LRP1B: variants seen among roughly 807,000 people sequenced by gnomAD.
LRP1B encodes LDL receptor related protein 1B, also known as low-density lipoprotein receptor-related protein 1B.
Under a neutral mutation model 556.6 loss-of-function variants are expected in LRP1B, and 217 were observed. The observed-to-expected ratio is 0.39, with a 90% CI of 0.35 to 0.44. The LOEUF is 0.44. Ranked by LOEUF, LRP1B falls within the 20% of genes least tolerant of loss-of-function variation. The pLI, the probability that LRP1B is intolerant of heterozygous loss-of-function variation, is 1.00. For synonymous variants in LRP1B, 2,047 were observed against 1,865.8 expected (o/e 1.10, Z -2.50); for missense variants, 5,053 against 5,620.8 (o/e 0.90, Z 3.23).
intron 1 of LRP1B, among the ~76,000 whole-genome samples, chr2:141,822,314 G>T (rs956839096): frequency 6.6e-6 from 1 of 152,076 alleles, no homozygotes; most frequent in Non-Finnish European, 1.5e-5. Flanking sequence ...CAGTAGAAAT[G>T]ATCTATTTCC....
intron 32 of LRP1B, among the ~76,000 whole-genome samples, chr2:140,777,484 C>T (rs1689539937): frequency 6.6e-6 from 1 of 152,132 alleles, no homozygotes; most frequent in Non-Finnish European, 1.5e-5. Flanking sequence ...GAATGCCTTG[C>T]AGAACTCCCC....
chr2:142,070,373 G>A (rs1402041833), intron 1 of LRP1B, among the ~76,000 whole-genome samples: 1 of 151,838 alleles, frequency 6.6e-6, no homozygotes, highest in East Asian at 1.9e-4. Context: ...GAGGCTTAGT[G>A]AGGAGGTTAA....
chr2:140,259,986 G>T (rs757494903), intron 86 of LRP1B, among the ~76,000 whole-genome samples: 2 of 151,706 alleles, frequency 1.3e-5, no homozygotes, highest in Non-Finnish European at 2.9e-5. Flanking sequence ...TCCCCAAAAA[G>T]ATAAACAAAA....
At chr2:141,832,327 TCACACACA>T (rs869062999) in intron 1 of LRP1B, among the ~76,000 whole-genome samples, 5,377 of 143,936 alleles carry the variant, frequency 0.037, 314 homozygotes, top group African/African-American at 0.13. Context: ...TCTTTCTCTC[TCACACACA>T]CACACACACA....
chr2:141,634,039 T>A (rs1008428317), intron 2 of LRP1B, among the ~76,000 whole-genome samples: 1 of 127,930 alleles, frequency 7.8e-6, no homozygotes, highest in Admixed American at 7.4e-5. Context: ...AATGCTTTCT[T>A]TTTTTTTTCA....
intron 3 of LRP1B, among the ~76,000 whole-genome samples, chr2:141,453,426 A>G (rs1239210081): frequency 6.6e-6 from 1 of 152,098 alleles, no homozygotes; most frequent in Non-Finnish European, 1.5e-5. Flanking sequence ...ATTAGTTTCC[A>G]TGAGTCTTCC....
At chr2:141,934,313 A>G (rs1003490950) in intron 1 of LRP1B, among the ~76,000 whole-genome samples, 21 of 152,064 alleles carry the variant, frequency 1.4e-4, no homozygotes, top group Admixed American at 4.6e-4. Flanking sequence ...ATTGAATGAC[A>G]GAAGGTAAAG....
intron 59 of LRP1B, among the ~76,000 whole-genome samples, chr2:140,482,188 T>C (rs534533755): frequency 4.1e-5 from 6 of 145,860 alleles, no homozygotes; most frequent in Admixed American, 2.1e-4. Flanking sequence ...CGAGGGACCA[T>C]GCCTTTTATT....
At chr2:141,140,157 A>G (rs1701607087) in intron 7 of LRP1B, among the ~76,000 whole-genome samples, 1 of 152,102 alleles carries the variant, frequency 6.6e-6, no homozygotes, top group African/African-American at 2.4e-5. Flanking sequence ...GTAGTAACAG[A>G]AAGCAGATCA....
chr2:140,983,988 A>G (rs140909606), intron 17 of LRP1B, among the ~76,000 whole-genome samples: 106 of 151,958 alleles, frequency 7.0e-4, no homozygotes, highest in African/African-American at 2.5e-3. Context: ...TTATTCTGTC[A>G]TCTATACGAA....
At chr2:140,252,798 A>G (rs1490714127) in intron 86 of LRP1B, among the ~76,000 whole-genome samples, 1 of 152,078 alleles carries the variant, frequency 6.6e-6, no homozygotes, top group Non-Finnish European at 1.5e-5. Context: ...CTTGAAATCA[A>G]CATCACATTT....
chr2:140,722,915 C>A (rs547097328), intron 35 of LRP1B, among the ~76,000 whole-genome samples: 38 of 152,028 alleles, frequency 2.5e-4, no homozygotes, highest in Admixed American at 1.0e-3. Context: ...TGTTGGCGGG[C>A]GCCTGTATTC....
intron 21 of LRP1B, among the ~76,000 whole-genome samples, chr2:140,909,653 G>T (rs1694358226): frequency 6.6e-6 from 1 of 150,844 alleles, no homozygotes; most frequent in Non-Finnish European, 1.5e-5. Flanking sequence ...GTAATAGAAA[G>T]AAATGAGGTA....
intron 1 of LRP1B, among the ~76,000 whole-genome samples, chr2:142,038,214 C>G (rs1301418598): frequency 1.3e-5 from 2 of 151,622 alleles, no homozygotes; most frequent in African/African-American, 2.4e-5. Flanking sequence ...CTGCAGACTT[C>G]TAAGCACGTT....
At chr2:140,890,010 A>G (rs928372481) in intron 23 of LRP1B, among the ~76,000 whole-genome samples, 1 of 152,158 alleles carries the variant, frequency 6.6e-6, no homozygotes, top group African/African-American at 2.4e-5. Context: ...AAAGAACCTT[A>G]AAGGCCACAA....
At chr2:142,039,094 A>G (rs1703980979) in intron 1 of LRP1B, among the ~76,000 whole-genome samples, 1 of 151,416 alleles carries the variant, frequency 6.6e-6, no homozygotes, top group African/African-American at 2.4e-5. Context: ...ACACAGCCAC[A>G]TTTTCTCCCC....
chr2:141,222,284 C>A (rs976076249), intron 6 of LRP1B, among the ~76,000 whole-genome samples: 1 of 152,184 alleles, frequency 6.6e-6, no homozygotes, highest in Non-Finnish European at 1.5e-5. Flanking sequence ...ACTAGACAAT[C>A]TAGAAGAAAT....
At chr2:141,463,570 TATTATATATA>T (rs70991164) in intron 3 of LRP1B, among the ~76,000 whole-genome samples, 663 of 59,210 alleles carry the variant, frequency 0.011, 19 homozygotes, top group African/African-American at 0.029. Context: ...ATATATTATA[TATTATATATA>T]ATTATATATA....
intron 1 of LRP1B, among the ~76,000 whole-genome samples, chr2:142,064,148 A>G (rs1451457905): frequency 6.6e-6 from 1 of 151,602 alleles, no homozygotes; most frequent in African/African-American, 2.4e-5. Context: ...ATTTTATTCT[A>G]AACAGAGAGC....
Sources: gnomAD v4.1 joint callset for allele counts (sites outside exome capture counted in the v4.1 genomes callset) on GRCh38, gnomAD v4.1.1 for gene constraint, MANE v1.5 for transcripts, NCBI Gene and HGNC (gene_info 2026-07-23, HGNC 2026-07-21) for gene names.